HEATR5B: variants seen among roughly 807,000 people sequenced by gnomAD.
The protein encoded by HEATR5B is HEAT repeat containing 5B.
A neutral mutation model predicts 224.1 loss-of-function variants in HEATR5B; 156 were observed. The observed-to-expected ratio is 0.70, with a 90% confidence interval of 0.61 to 0.80. The LOEUF is 0.80. Ranked by LOEUF, HEATR5B falls within the 30% of genes least tolerant of loss-of-function variation. The pLI is 0.00. For synonymous variants in HEATR5B, 1,027 were observed against 893.0 expected (o/e 1.15, Z -2.68); for missense variants, 2,323 against 2,535.5 (o/e 0.92, Z 1.80).
intron 5 of HEATR5B, among the ~76,000 whole-genome samples, chr2:37,075,156 C>T (rs189353783): frequency 4.3e-4 from 66 of 152,178 alleles, no homozygotes; most frequent in Non-Finnish European, 1.6e-4. Context: ...AAACTAGAAG[C>T]AACTCAAATG....
chr2:37,058,844 A>C (rs1335411009), intron 13 of HEATR5B, 44 bp downstream of exon 13: 1 of 1,125,148 alleles, frequency 8.9e-7, no homozygotes, highest in Non-Finnish European at 1.3e-6. Flanking sequence ...GTATATTATT[A>C]ATATATAAAA....
At chr2:37,070,453 A>G in intron 6 of HEATR5B, 66 bp from the exon 7 acceptor site, 1 of 1,261,912 alleles carries the variant, frequency 7.9e-7, no homozygotes, top group South Asian at 1.4e-5. Context: ...TAATAATTCA[A>G]GTAATTATTT....
Position 37,056,497 on chromosome 2 carries a change from A to G in HEATR5B, c.2342T>C (p.Ile781Thr). The G allele has an allele frequency of 6.2e-7, 1 of 1,613,460 alleles. No homozygotes were observed. The highest frequency in any genetic ancestry group is 1.3e-5 in the African/African-American group (1 of 75,020). The change falls in exon 16 of 36, where the codon ATT becomes ACT. Residue 781 changes from isoleucine (I) to threonine (T), a missense_variant. Physicochemically the swap from Ile to Thr is moderately conservative, Grantham distance 89. Coordinates refer to ENST00000233099, the MANE Select transcript of HEATR5B (RefSeq NM_019024.3). ...PGPLPLGVSV[I>T]DASVALFGVV... Reference sequence around the variant, plus strand: ...ACCAAAAAGGGCCACAGAAGCATCAATGACTGAGACTCCGAGAGGGAGGGG... The same window carrying G: ...ACCAAAAAGGGCCACAGAAGCATCAGTGACTGAGACTCCGAGAGGGAGGGG...
At position 37,053,620 on chromosome 2, in the gene HEATR5B, GAA is replaced by G. The variant is rs200413903; in HGVS notation, c.2400-15_2400-14del. 6.6e-7 allele frequency: 1 copy of G among 1,511,524 alleles called. No homozygotes were observed. The highest frequency in any genetic ancestry group is 1.4e-5 in the African/African-American group (1 of 71,576). 93.6% of individuals were successfully genotyped at this position (1,511,524 alleles called of 1,614,324 possible). ...CAACATTTGTAATCTATAACAATAA[GAA>G]AAAAAAATCACATTAGTGACAAATT... On this transcript the variant is annotated splice_polypyrimidine_tract_variant and intron_variant, in intron 16 of 35. Transcript: ENST00000233099.
chr2:37,083,572 C>G, intron 1 of HEATR5B, 136 bp from the exon 2 acceptor site: 1 of 627,240 alleles, frequency 1.6e-6, no homozygotes. Context: ...TGAGGCAAAA[C>G]CTGAGAACAT....
At chr2:37,065,658 A>C (rs1392754986) in intron 9 of HEATR5B, 97 bp downstream of exon 9, 2 of 1,019,442 alleles carry the variant, frequency 2.0e-6, no homozygotes, top group East Asian at 4.9e-5. Flanking sequence ...TGAAGTGCTA[A>C]TGATGATGAT....
At chr2:36,998,909 T>C (rs1334420047) in intron 33 of HEATR5B, among the ~76,000 whole-genome samples, 1 of 151,872 alleles carries the variant, frequency 6.6e-6, no homozygotes, top group African/African-American at 2.4e-5. Context: ...TAGATAGATA[T>C]TTCTAAGAAA....
In HEATR5B at chr2:36,990,709, T is replaced by A. The variant is rs142247811; in HGVS notation, c.5636A>T (p.Gln1879Leu). 4.5e-5 allele frequency: 72 copies of A among 1,611,892 alleles called. No homozygotes were observed. The South Asian group carries it at 7.4e-4, about 17-fold the overall frequency. The change falls in exon 34 of 36, where the codon CAG (glutamine) becomes CTG (leucine). Residue 1879 changes from glutamine (Q) to leucine (L), a missense_variant. Physicochemically the swap from Gln to Leu is moderately radical, Grantham distance 113 (BLOSUM62 -2). Around this residue, in one of 12 missense-constraint regions of HEATR5B, gnomAD observed 844 missense variants for 812.9 expected, o/e 1.04. Transcript: ENST00000233099. ...WSASNEIIGV[Q>L]SLQNGCMNRF... ...GTTCATGCAGCCATTCTGTAATGAC[T>A]GGACTCCTATTATTTCATTACTAGC... is the stretch of plus-strand genomic sequence containing the variant.
intron 10 of HEATR5B, among the ~76,000 whole-genome samples, 189 bp from the exon 11 acceptor site, chr2:37,062,239 C>A (rs954585396): frequency 6.6e-6 from 1 of 152,072 alleles, no homozygotes; most frequent in African/African-American, 2.4e-5. Flanking sequence ...CCAGCCTGGG[C>A]AACACGGTGA....
chr2:37,028,994 C>T, intron 22 of HEATR5B, 74 bp from the exon 23 acceptor site: 12 of 1,438,606 alleles, frequency 8.3e-6, no homozygotes, highest in Non-Finnish European at 1.1e-5. Flanking sequence ...ATGATAAAGA[C>T]CAAGTCTTAC....
chr2:37,061,135 C>G (rs1161834715), intron 11 of HEATR5B, among the ~76,000 whole-genome samples: 1 of 152,012 alleles, frequency 6.6e-6, no homozygotes, highest in African/African-American at 2.4e-5. Flanking sequence ...CAAATATACC[C>G]ACTCACACAC....
intron 2 of HEATR5B, among the ~76,000 whole-genome samples, chr2:37,081,780 A>C (rs1190566018): frequency 1.3e-5 from 2 of 152,156 alleles, no homozygotes. Context: ...ATGCAGTGAA[A>C]GTTCACATAC....
At chr2:37,078,346 G>C (rs13424255) in intron 3 of HEATR5B, among the ~76,000 whole-genome samples, 4,004 of 152,222 alleles carry the variant, frequency 0.026, 66 homozygotes, top group Middle Eastern at 0.034. Flanking sequence ...AATTTAAAAT[G>C]ACTGGCATCA....
At chr2:37,030,029 T>C (rs1669027175) in intron 22 of HEATR5B, among the ~76,000 whole-genome samples, 1 of 152,118 alleles carries the variant, frequency 6.6e-6, no homozygotes, top group Non-Finnish European at 1.5e-5. Context: ...TGTCATGAAA[T>C]AGTGGTTAAA....
intron 18 of HEATR5B, among the ~76,000 whole-genome samples, chr2:37,047,827 G>C (rs1445601315): frequency 6.6e-6 from 1 of 152,204 alleles, no homozygotes; most frequent in East Asian, 1.9e-4. Context: ...TAATGAGGCT[G>C]TGAAAGACTG....
intron 10 of HEATR5B, 115 bp downstream of exon 10, chr2:37,064,625 G>C: frequency 1.0e-6 from 1 of 963,066 alleles, no homozygotes; most frequent in Non-Finnish European, 1.6e-6. Flanking sequence ...TATGTTTTAT[G>C]ATAACATAGT....
chr2:37,032,874 G>C, intron 21 of HEATR5B, 101 bp from the exon 22 acceptor site: 1 of 839,002 alleles, frequency 1.2e-6, no homozygotes, highest in Non-Finnish European at 1.7e-6. Context: ...ACATATATAT[G>C]TTTTGTTTTG....
chr2:37,049,332 A>C (rs1179535160), intron 18 of HEATR5B, among the ~76,000 whole-genome samples: 1 of 152,228 alleles, frequency 6.6e-6, no homozygotes, highest in Non-Finnish European at 1.5e-5. Context: ...GGGAGGGAGG[A>C]GAGAAAATGA....
chr2:37,003,169 C>G (rs1266992793), intron 31 of HEATR5B, among the ~76,000 whole-genome samples: 1 of 147,470 alleles, frequency 6.8e-6, no homozygotes, highest in Non-Finnish European at 1.5e-5. Flanking sequence ...GTGGGAAGAT[C>G]ACCTGATCCT....
Sources: gnomAD v4.1 joint callset for allele counts (sites outside exome capture counted in the v4.1 genomes callset) on GRCh38, gnomAD v4.1.1 for gene constraint, gnomAD v4.1.1 regional missense constraint, MANE v1.5 for transcripts, NCBI Gene and HGNC (gene_info 2026-07-23, HGNC 2026-07-21) for gene names.